FBXW7: variants seen among roughly 807,000 people sequenced by gnomAD.
The protein encoded by FBXW7 is F-box/WD repeat-containing protein 7.
A neutral mutation model predicts 86.3 loss-of-function variants in FBXW7; 11 were observed. The ratio of observed to expected loss-of-function variants is 0.13; its 90% CI spans 0.08 to 0.21. FBXW7 has a LOEUF of 0.21. FBXW7 is among the 10% of genes least tolerant of loss of function. The pLI is 1.00. For synonymous variants in FBXW7, 313 were observed against 297.9 expected (o/e 1.05, Z -0.52); for missense variants, 488 against 847.4 (o/e 0.58, Z 5.27).
intron 2 of FBXW7, among the ~76,000 whole-genome samples, chr4:152,485,409 A>G (rs565230464): frequency 1.3e-5 from 2 of 152,300 alleles, no homozygotes; most frequent in East Asian, 3.9e-4. Flanking sequence ...GATTATTATT[A>G]GTAGTGGTAT....
At chr4:152,466,644 T>C (rs1205083056) in intron 2 of FBXW7, among the ~76,000 whole-genome samples, 1 of 152,018 alleles carries the variant, frequency 6.6e-6, no homozygotes, top group African/African-American at 2.4e-5. Flanking sequence ...AAAATATCAT[T>C]GCTTAAAAAT....
chr4:152,373,431 C>G (rs1204496259), intron 4 of FBXW7, among the ~76,000 whole-genome samples: 1 of 151,948 alleles, frequency 6.6e-6, no homozygotes, highest in East Asian at 1.9e-4. Flanking sequence ...GAGGGCATGG[C>G]CTTTGTCTAT....
At chr4:152,513,644 G>C (rs995831582) in intron 2 of FBXW7, among the ~76,000 whole-genome samples, 1 of 152,186 alleles carries the variant, frequency 6.6e-6, no homozygotes, top group African/African-American at 2.4e-5. Context: ...GAGGAAGTGA[G>C]GACAATTTGT....
Position 152,434,965 on chromosome 4 carries a change from C to G in FBXW7, c.-119-22436G>C, listed in dbSNP as rs199963945. Among the ~76,000 whole-genome samples the G allele has an allele frequency of 7.9e-4, 119 of 150,554 alleles. 3 individuals are homozygous for G. The East Asian group carries it at 0.015, about 19-fold the overall frequency. ...AACCTCCTTTCCCCCCGCTCCCCCCCCCCCACACACAAGCTCTTCCTTTAC... is the reference window on the plus strand; with the variant it reads ...AACCTCCTTTCCCCCCGCTCCCCCCGCCCCACACACAAGCTCTTCCTTTAC... On this transcript the variant is annotated intron_variant, in intron 2 of 13. Transcript: ENST00000281708.
At chr4:152,360,789 T>A (rs1044492155) in intron 4 of FBXW7, among the ~76,000 whole-genome samples, 1 of 151,094 alleles carries the variant, frequency 6.6e-6, no homozygotes, top group African/African-American at 2.4e-5. Context: ...GTGTGCGCAC[T>A]GTGTATGCAT....
At position 152,321,432 on chromosome 4, in the gene FBXW7, A is replaced by G. The variant is rs1396564249; in HGVS notation, c.*1449T>C. ...TTGTTTTAAATCAGACTATAAATAA[A>G]ACAAACAAAAAAATAAACAGAAGGA... On this transcript the variant is annotated 3_prime_UTR_variant, in exon 14 of 14. Coordinates refer to ENST00000281708, the MANE Select transcript of FBXW7 (RefSeq NM_001349798.2). 4.3e-6 allele frequency: 1 copy of G among 232,856 alleles called. No homozygotes were observed. The highest frequency in any genetic ancestry group is 8.5e-6 in the Non-Finnish European group (1 of 117,628). The allele number at this position is 232,856 out of a possible 1,614,324, so 14.4% of individuals were successfully genotyped here.
At chr4:152,401,782 T>C (rs1483871754) in intron 4 of FBXW7, among the ~76,000 whole-genome samples, 2 of 152,206 alleles carry the variant, frequency 1.3e-5, no homozygotes, top group African/African-American at 4.8e-5. Context: ...AGGGGGCATA[T>C]GGGAACTCTC....
At chr4:152,360,014 G>T (rs1314407899) in intron 4 of FBXW7, among the ~76,000 whole-genome samples, 1 of 152,152 alleles carries the variant, frequency 6.6e-6, no homozygotes, top group Non-Finnish European at 1.5e-5. Context: ...TTAACTTGCA[G>T]GATTAACAGC....
intron 2 of FBXW7, among the ~76,000 whole-genome samples, chr4:152,420,830 A>T (rs1175571266): frequency 6.6e-6 from 1 of 152,106 alleles, no homozygotes; most frequent in Non-Finnish European, 1.5e-5. Flanking sequence ...GCATGGGCAG[A>T]GTAGATTTAG....
intron 4 of FBXW7, among the ~76,000 whole-genome samples, chr4:152,406,306 A>G (rs1737418524): frequency 6.6e-6 from 1 of 152,076 alleles, no homozygotes; most frequent in South Asian, 2.1e-4. Flanking sequence ...TAATTAAAAT[A>G]CTTTTTGAGC....
intron 2 of FBXW7, among the ~76,000 whole-genome samples, chr4:152,531,870 T>C (rs1302278970): frequency 6.9e-6 from 1 of 144,002 alleles, no homozygotes; most frequent in Non-Finnish European, 1.5e-5. Flanking sequence ...ATACCCTATT[T>C]AAAAAAAAAA....
At chr4:152,418,163 A>ACACACAC (rs1186312760) in intron 2 of FBXW7, among the ~76,000 whole-genome samples, 1 of 151,274 alleles carries the variant, frequency 6.6e-6, no homozygotes, top group African/African-American at 2.4e-5. Flanking sequence ...ACACACACAC[A>ACACACAC]AAATCCACTT....
chr4:152,493,234 GGCTCACTGCAAACTCT>G (rs908206159), intron 2 of FBXW7, among the ~76,000 whole-genome samples: 4 of 151,690 alleles, frequency 2.6e-5, no homozygotes, highest in African/African-American at 9.7e-5. Context: ...GCGCAATCTT[GGCTCACTGCAAACTCT>G]GCCTCCCAGG....
intron 2 of FBXW7, among the ~76,000 whole-genome samples, chr4:152,534,588 C>T (rs901699930): frequency 2.6e-5 from 4 of 152,064 alleles, no homozygotes; most frequent in African/African-American, 7.2e-5. Context: ...AAAAGTACAC[C>T]GCACACACCC....
chr4:152,448,078 G>A (rs964847431), intron 2 of FBXW7, among the ~76,000 whole-genome samples: 1 of 152,136 alleles, frequency 6.6e-6, no homozygotes, highest in South Asian at 2.1e-4. Flanking sequence ...AACTTGAAAC[G>A]AAGAAAACAA....
At chr4:152,325,852 C>A in intron 12 of FBXW7, 154 bp downstream of exon 12, 1 of 555,628 alleles carries the variant, frequency 1.8e-6, no homozygotes, top group Non-Finnish European at 3.1e-6. Flanking sequence ...TTTACACTTT[C>A]TTCATGCCAA....
intron 2 of FBXW7, among the ~76,000 whole-genome samples, chr4:152,493,560 C>T (rs978723807): frequency 2.6e-5 from 4 of 152,174 alleles, no homozygotes; most frequent in Non-Finnish European, 4.4e-5. Flanking sequence ...ACCCCCAGTA[C>T]GTCAGAACAC....
chr4:152,466,887 A>G (rs1276931966), intron 2 of FBXW7, among the ~76,000 whole-genome samples: 1 of 152,170 alleles, frequency 6.6e-6, no homozygotes, highest in Admixed American at 6.5e-5. Context: ...GCTGGCAGTG[A>G]GCTGAGATCG....
intron 2 of FBXW7, among the ~76,000 whole-genome samples, chr4:152,432,713 G>A (rs1740023826): frequency 6.6e-6 from 1 of 152,204 alleles, no homozygotes; most frequent in Non-Finnish European, 1.5e-5. Flanking sequence ...TAAAGAGGCT[G>A]AGGCAGGAGA....
Sources: allele counts gnomAD v4.1 joint callset (sites outside exome capture counted in the v4.1 genomes callset), GRCh38; gene constraint gnomAD v4.1.1; transcripts MANE v1.5; gene names NCBI Gene and HGNC (gene_info 2026-07-23, HGNC 2026-07-21).